Variants in TSC1 observed in about 807,000 individuals in gnomAD.
The protein encoded by TSC1 is hamartin.
TSC1 carries 20 observed loss-of-function variants against 124.3 expected under a neutral mutation model. The ratio of observed to expected loss-of-function variants is 0.16; its 90% CI spans 0.11 to 0.23. The LOEUF (loss-of-function observed/expected upper bound fraction) is 0.23, where lower values mean the gene tolerates loss of function less well. TSC1 is among the 10% of genes least tolerant of loss of function. The pLI, the probability that TSC1 is intolerant of heterozygous loss-of-function variation, is 1.00. For synonymous variants in TSC1, 493 were observed against 539.1 expected, an observed-to-expected ratio of 0.91 and a Z score of 1.19; for missense variants, 1,124 against 1,448.5, an observed-to-expected ratio of 0.78 and a Z score of 3.64.
At chr9:132,907,582 T>A (rs1347811212) in intron 12 of TSC1, among the ~76,000 whole-genome samples, 3 of 152,110 alleles carry the variant, frequency 2.0e-5, no homozygotes, top group African/African-American at 7.2e-5. Context: ...CTCCGCCTCC[T>A]GGGTTCAAGC....
chr9:132,913,699 G>A (rs868753490), intron 8 of TSC1, among the ~76,000 whole-genome samples: 21 of 151,334 alleles, frequency 1.4e-4, no homozygotes, highest in Middle Eastern at 3.4e-3. Flanking sequence ...GGTGGCGGGC[G>A]CCTGTAGTCC....
intron 11 of TSC1, 66 bp downstream of exon 11, chr9:132,910,936 G>C: frequency 6.8e-7 from 1 of 1,462,488 alleles, no homozygotes; most frequent in Non-Finnish European, 9.6e-7. Flanking sequence ...ATCTAAAAGA[G>C]AGCTCCTCCT....
At chr9:132,918,609 C>T (rs968930247) in intron 8 of TSC1, among the ~76,000 whole-genome samples, 4 of 152,196 alleles carry the variant, frequency 2.6e-5, no homozygotes, top group African/African-American at 9.7e-5. Context: ...GAAGCATATA[C>T]ATTCTGAATG....
chr9:132,912,131 A>G (rs1845997346), intron 9 of TSC1, 151 bp downstream of exon 9: 8 of 886,986 alleles, frequency 9.0e-6, no homozygotes, highest in Non-Finnish European at 1.4e-5. Context: ...TAATTAGAAG[A>G]AAATGGAGGG....
chr9:132,933,226 T>G (rs994980926), intron 2 of TSC1, among the ~76,000 whole-genome samples: 7 of 152,148 alleles, frequency 4.6e-5, no homozygotes, highest in Non-Finnish European at 1.0e-4. Context: ...CCACCATGCC[T>G]GGCTAATTTT....
intron 1 of TSC1, chr9:132,943,514 T>C (rs1054793439): frequency 2.0e-5 from 3 of 152,272 alleles, no homozygotes; most frequent in African/African-American, 7.2e-5. Context: ...GTCATATCTT[T>C]GGAGTCAGTC....
intron 16 of TSC1, among the ~76,000 whole-genome samples, 195 bp downstream of exon 16, chr9:132,904,215 AG>A (rs1423365117): frequency 6.6e-6 from 1 of 152,204 alleles, no homozygotes; most frequent in Non-Finnish European, 1.5e-5. Context: ...TCAAGCGCAT[AG>A]TACTTGCCAC....
rs11349075 is a variant in TSC1 at position 132,906,548 on chromosome 9, C to CA, written c.1438+182dup. The CA allele has an allele frequency of 0.089, 35,853 of 402,350 alleles. 73 individuals carry two copies. The highest frequency in any genetic ancestry group is 0.11 in the Middle Eastern group (165 of 1,450). 24.9% of individuals were successfully genotyped at this position (402,350 alleles called of 1,614,324 possible). ...AGGGTGACAGAGCAAGACCCTGTCT[C>CA]AAAAAAAAAAAAAAAAAAAGTGGCA... On this transcript the variant is annotated intron_variant, in intron 14 of 22. Transcript: ENST00000298552. This position sits in a 1 kb window ranked among gnomAD's most constrained non-coding sequence, Gnocchi z 4.1.
At chr9:132,910,825 T>C in intron 11 of TSC1, 133 bp from the exon 12 acceptor site, 1 of 1,433,978 alleles carries the variant, frequency 7.0e-7, no homozygotes, top group South Asian at 1.2e-5. Context: ...TAGATCAGTC[T>C]CTCTCTTTTT....
intron 12 of TSC1, chr9:132,910,344 T>C: frequency 4.4e-6 from 3 of 682,150 alleles, no homozygotes; most frequent in Non-Finnish European, 7.4e-6. Context: ...AGGTTTGACC[T>C]GCTGGGTTCC....
rs2131572017 is a variant in TSC1, at chr9:132,895,089, G to A, written c.*1146C>T. On this transcript the variant is annotated 3_prime_UTR_variant, in exon 23 of 23. Transcript: ENST00000298552. ...CCATTACTAACATGGAGAGTGTGATGACATCAGCTCCCTGGAGAGTCAGCC... is the reference window on the plus strand; with the variant it reads ...CCATTACTAACATGGAGAGTGTGATAACATCAGCTCCCTGGAGAGTCAGCC... 4.3e-6 allele frequency: 1 copy of A among 233,126 alleles called. No homozygotes were observed. The highest frequency in any genetic ancestry group is 8.5e-6 in the Non-Finnish European group (1 of 117,730). The allele number at this position is 233,126 out of a possible 1,614,324, so 14.4% of individuals were successfully genotyped here.
Position 132,903,911 on chromosome 9 carries a change from A to G in TSC1, c.2042-94T>C, listed in dbSNP as rs187044247. Reference sequence around the variant, plus strand: ...ATGTGTTGTTAGCTTAACAAACACAATTCTTTAAAAACAAATCACCACTCT... The same window carrying G: ...ATGTGTTGTTAGCTTAACAAACACAGTTCTTTAAAAACAAATCACCACTCT... On this transcript the variant is annotated intron_variant, in intron 16 of 22. Transcript: ENST00000298552. The surrounding 1 kb of genome is among the most constrained non-coding windows in gnomAD (Gnocchi z 5.9). 8 of 1,465,318 alleles carry G rather than the reference A, an allele frequency of 5.5e-6. No individual in the cohort carries two copies. In the East Asian group the frequency reaches 1.6e-4, roughly 29 times the overall value. 90.8% of individuals were successfully genotyped at this position (1,465,318 alleles called of 1,614,324 possible).
intron 1 of TSC1, among the ~76,000 whole-genome samples, chr9:132,935,521 A>G (rs1030380396): frequency 6.6e-6 from 1 of 152,214 alleles, no homozygotes; most frequent in Non-Finnish European, 1.5e-5. Context: ...CAAGCTCACA[A>G]GGCTTGTGGG....
chr9:132,914,502 A>G (rs936300946), intron 8 of TSC1, among the ~76,000 whole-genome samples: 3 of 152,088 alleles, frequency 2.0e-5, no homozygotes, highest in African/African-American at 7.2e-5. Flanking sequence ...TTTTTGTCAA[A>G]ACTTAGCAAA....
intron 20 of TSC1, among the ~76,000 whole-genome samples, chr9:132,898,281 T>C (rs1463583855): frequency 2.0e-5 from 3 of 152,240 alleles, no homozygotes; most frequent in African/African-American, 4.8e-5. Context: ...TGCCGACAGA[T>C]TGGAACAGCT....
Position 132,928,947 on chromosome 9 carries a change from A to T in TSC1, c.-75T>A. ...CTGAAGGTTCTTCATTGGGGCCACT[A>T]CCAAACTGAGAAAAAGGAAGATGAA... On this transcript the variant is annotated 5_prime_UTR_variant, in exon 3 of 23. It removes the in-frame stop codon of an upstream open reading frame in the 5' UTR. Coordinates refer to ENST00000298552, the MANE Select transcript of TSC1 (RefSeq NM_000368.5). 1 of 1,602,082 alleles carries T rather than the reference A, an allele frequency of 6.2e-7. No homozygotes were observed. The highest frequency in any genetic ancestry group is 8.5e-7 in the Non-Finnish European group (1 of 1,175,024).
chr9:132,934,150 C>T (rs1033195571), intron 2 of TSC1, among the ~76,000 whole-genome samples: 1 of 152,152 alleles, frequency 6.6e-6, no homozygotes, highest in Non-Finnish European at 1.5e-5. Flanking sequence ...ACCACTGAGC[C>T]TCGGCATGAG....
At chr9:132,922,111 G>A in intron 6 of TSC1, 138 bp from the exon 7 acceptor site, 5 of 1,057,354 alleles carry the variant, frequency 4.7e-6, no homozygotes, top group Admixed American at 2.1e-5. Context: ...AGGAAGAGTG[G>A]TTTTCTAAAA....
intron 8 of TSC1, among the ~76,000 whole-genome samples, chr9:132,917,056 GA>G (rs1185059311): frequency 6.6e-6 from 1 of 152,178 alleles, no homozygotes. Context: ...AATTCTAGTT[GA>G]AAACCTTTTT....
Sources: allele counts gnomAD v4.1 joint callset (sites outside exome capture counted in the v4.1 genomes callset), GRCh38; gene constraint gnomAD v4.1.1; non-coding constraint Gnocchi (gnomAD v3.1); transcripts MANE v1.5; gene names NCBI Gene and HGNC (gene_info 2026-07-23, HGNC 2026-07-21).